KY: variants seen among roughly 807,000 people sequenced by gnomAD.
The protein encoded by KY is kyphoscoliosis peptidase.
In KY, 43 loss-of-function variants were observed where a neutral mutation model predicts 76.1. The ratio of observed to expected loss-of-function variants is 0.57; its 90% CI spans 0.44 to 0.73. The LOEUF (loss-of-function observed/expected upper bound fraction) is 0.73, where lower values mean the gene tolerates loss of function less well. Ranked by LOEUF, KY falls within the 30% of genes least tolerant of loss-of-function variation. KY has a pLI of 0.00. For synonymous variants in KY, 277 were observed against 326.2 expected, an observed-to-expected ratio of 0.85 and a Z score of 1.63; for missense variants, 722 against 828.9, an observed-to-expected ratio of 0.87 and a Z score of 1.58.
intron 4 of KY, among the ~76,000 whole-genome samples, chr3:134,628,885 A>T (rs1249722282): frequency 1.3e-5 from 2 of 152,162 alleles, no homozygotes; most frequent in Non-Finnish European, 2.9e-5. Context: ...CTTTCTTGAG[A>T]TCCTGACTGC....
intron 7 of KY, among the ~76,000 whole-genome samples, chr3:134,619,580 C>A (rs1357754332): frequency 1.3e-5 from 2 of 152,228 alleles, no homozygotes; most frequent in Non-Finnish European, 2.9e-5. Flanking sequence ...GCTCTGCACA[C>A]ATTTCCAGTG....
chr3:134,646,720 A>G (rs150811841), intron 2 of KY, among the ~76,000 whole-genome samples: 14 of 152,204 alleles, frequency 9.2e-5, no homozygotes, highest in African/African-American at 3.4e-4. Flanking sequence ...CAGTCATCTG[A>G]TCCTAGGGCT....
chr3:134,607,757 T>A (rs569205301), intron 10 of KY: 34 of 986,038 alleles, frequency 3.4e-5, no homozygotes, highest in Middle Eastern at 5.2e-4. Flanking sequence ...GGAGAGCACA[T>A]GTCAGCCCAG....
At chr3:134,626,971 C>T (rs1963541080) in intron 5 of KY, among the ~76,000 whole-genome samples, 1 of 152,210 alleles carries the variant, frequency 6.6e-6, no homozygotes, top group Non-Finnish European at 1.5e-5. Flanking sequence ...AGTGGACTCA[C>T]ACATCGAACA....
chr3:134,629,688 T>A lies in KY; in HGVS notation c.270A>T (p.Gln90His). ...CTCGAGGGTGGACTTCCACAGTCAGTTGTGTCCCTACAAAGGAAAAGGAGA... is the reference window on the plus strand; with the variant it reads ...CTCGAGGGTGGACTTCCACAGTCAGATGTGTCCCTACAAAGGAAAAGGAGA... ...VITSYNSQGT[Q>H]LTVEVHPRDA... The change falls in exon 4 of 11, where the codon CAA becomes CAT. Residue 90 changes from glutamine to histidine, a missense_variant. Physicochemically the swap from Gln to His is conservative, Grantham distance 24 (BLOSUM62 0). Transcript: ENST00000423778. 6.3e-7 allele frequency: 1 copy of A among 1,589,748 alleles called. No homozygotes were observed. Among genetic ancestry groups the A allele is most frequent in the South Asian group, 1.2e-5 (1 of 86,936 alleles).
chr3:134,608,361 G>C, intron 10 of KY: 11 of 1,348,036 alleles, frequency 8.2e-6, no homozygotes, highest in Non-Finnish European at 1.1e-5. Flanking sequence ...CAGCCTTCAA[G>C]TTCTAGGAAA....
At chr3:134,631,075 G>A (rs190785018) in intron 3 of KY, among the ~76,000 whole-genome samples, 20 of 152,282 alleles carry the variant, frequency 1.3e-4, no homozygotes, top group South Asian at 4.1e-4. Flanking sequence ...TAAGTAGTGC[G>A]TCAGAGATCT....
At chr3:134,646,071 C>T (rs926988566) in intron 2 of KY, among the ~76,000 whole-genome samples, 2 of 152,030 alleles carry the variant, frequency 1.3e-5, no homozygotes, top group Non-Finnish European at 2.9e-5. Flanking sequence ...GCTTGCTTGC[C>T]CACTCACCAG....
At chr3:134,645,606 C>T (rs1052968313) in intron 2 of KY, among the ~76,000 whole-genome samples, 1 of 152,204 alleles carries the variant, frequency 6.6e-6, no homozygotes, top group African/African-American at 2.4e-5. Flanking sequence ...TGCAAACGTA[C>T]CATTTGAAAA....
intron 1 of KY, among the ~76,000 whole-genome samples, chr3:134,649,416 G>C (rs1324924999): frequency 6.6e-6 from 1 of 152,186 alleles, no homozygotes; most frequent in South Asian, 2.1e-4. Flanking sequence ...GGGAGTAGGG[G>C]ACTCGTGGGC....
At chr3:134,629,745 G>T in intron 3 of KY, 50 bp from the exon 4 acceptor site, 1 of 1,153,550 alleles carries the variant, frequency 8.7e-7, no homozygotes, top group South Asian at 1.3e-5. Flanking sequence ...GCCAGGAAAG[G>T]GTGAATGCCT....
intron 3 of KY, 51 bp from the exon 4 acceptor site, chr3:134,629,746 G>T: frequency 3.5e-6 from 4 of 1,149,366 alleles, no homozygotes; most frequent in Non-Finnish European, 5.1e-6. Flanking sequence ...CCAGGAAAGG[G>T]TGAATGCCTC....
At chr3:134,612,344 G>A (rs1960630978) in intron 8 of KY, among the ~76,000 whole-genome samples, 1 of 152,216 alleles carries the variant, frequency 6.6e-6, no homozygotes, top group Admixed American at 6.5e-5. Flanking sequence ...GCAGAAGGAG[G>A]CAGTAGCTGA....
chr3:134,650,904 G>GTGCACGATCAGCAGCA lies in KY; in HGVS notation c.41_56dup (p.Ser20AlafsTer50), dbSNP rs756998323. On this transcript the variant is annotated frameshift_variant, in exon 1 of 11. Transcript: ENST00000423778. LOFTEE classifies it high-confidence loss of function. Reference sequence around the variant, plus strand: ...CCTGTGCGGCGCGCCGCTTCTCCGAGTGCACGATCAGCAGCATGTCGATAG... The same window carrying GTGCACGATCAGCAGCA: ...CCTGTGCGGCGCGCCGCTTCTCCGAGTGCACGATCAGCAGCATGCACGATCAGCAGCATGTCGATAG... 9 of 1,613,162 alleles carry GTGCACGATCAGCAGCA rather than the reference G, an allele frequency of 5.6e-6. No individual in the cohort carries two copies. Among genetic ancestry groups the GTGCACGATCAGCAGCA allele is most frequent in the Non-Finnish European group, 3.4e-6 (4 of 1,179,534 alleles).
At chr3:134,635,493 T>TAAAAAAAAA in intron 3 of KY, among the ~76,000 whole-genome samples, 1 of 79,352 alleles carries the variant, frequency 1.3e-5, no homozygotes, top group Non-Finnish European at 2.3e-5. Flanking sequence ...CGAGACTCTG[T>TAAAAAAAAA]AAAAAAAAAA....
intron 2 of KY, among the ~76,000 whole-genome samples, 187 bp downstream of exon 2, chr3:134,647,248 G>A (rs535170067): frequency 6.6e-6 from 1 of 152,312 alleles, no homozygotes; most frequent in African/African-American, 2.4e-5. Flanking sequence ...GAGAGCAGGG[G>A]ACCTGACTCC....
rs35930137 is a variant in KY at position 134,639,949 on chromosome 3, CAAAAAAAAAAA to C, written c.262+3356_262+3366del. ...TGGGCCACAGAGTGACACCCTGTCT[CAAAAAAAAAAA>C]AAAAAAAAAAAAAAAAAAGAAAGAA... On this transcript the variant is annotated intron_variant, in intron 3 of 10. Coordinates refer to ENST00000423778, the MANE Select transcript of KY (RefSeq NM_178554.6). 1.6e-4 allele frequency: 8 copies of C among 49,742 alleles called. No individual in the cohort carries two copies. The East Asian group carries it at 2.8e-3, about 17-fold the overall frequency. The allele number at this position is 49,742 out of a possible 1,614,324, so 3.1% of individuals were successfully genotyped here. A position where few individuals can be genotyped will look rare whatever the true frequency, so the allele number is the denominator to read the frequency against.
chr3:134,604,463 C>T lies in KY; in HGVS notation c.1102G>A (p.Ala368Thr). 6.9e-6 allele frequency: 11 copies of T among 1,604,380 alleles called. No individual in the cohort carries two copies. Among genetic ancestry groups the T allele is most frequent in the Non-Finnish European group, 8.5e-6 (10 of 1,173,754 alleles). The change falls in exon 11 of 11, where the codon GCC becomes ACC. Residue 368 changes from alanine (A) to threonine (T), a missense_variant. By Grantham distance (58) the Ala-to-Thr change is moderately conservative (BLOSUM62 0). Coordinates refer to ENST00000423778, the MANE Select transcript of KY (RefSeq NM_178554.6). ...TSMIRTVNGK[A>T]TVTIESCAPT... Reference sequence around the variant, plus strand: ...GCGCAGCTCTCAATGGTGACCGTGGCCTTCCCATTCACTGAGGAGAGAAAG... The same window carrying T: ...GCGCAGCTCTCAATGGTGACCGTGGTCTTCCCATTCACTGAGGAGAGAAAG...
At position 134,603,351 on chromosome 3, in the gene KY, C is replaced by T; in HGVS notation, c.*228G>A. On this transcript the variant is annotated 3_prime_UTR_variant, in exon 11 of 11. Transcript: ENST00000423778. ...CCTTAGATTTACATAGCACCTTTTC[C>T]TTCTAAAGAGCCACTGCCTCTGCCC... 5 of 467,756 alleles carry T rather than the reference C, an allele frequency of 1.1e-5. No homozygotes were observed. Among genetic ancestry groups the T allele is most frequent in the East Asian group, 3.3e-5 (1 of 30,210 alleles). 29.0% of individuals were successfully genotyped at this position (467,756 alleles called of 1,614,324 possible).
Sources: gnomAD v4.1 joint callset for allele counts (sites outside exome capture counted in the v4.1 genomes callset) on GRCh38, gnomAD v4.1.1 for gene constraint, MANE v1.5 for transcripts, NCBI Gene and HGNC (gene_info 2026-07-23, HGNC 2026-07-21) for gene names.